SCN9A: variants seen among roughly 807,000 people sequenced by gnomAD.
The protein encoded by SCN9A is sodium voltage-gated channel alpha subunit 9, also known as sodium channel protein type 9 subunit alpha.
A neutral mutation model predicts 187.0 loss-of-function variants in SCN9A; 131 were observed. That is an observed-to-expected ratio of 0.70 (90% CI 0.61 to 0.81). SCN9A has a LOEUF of 0.81. SCN9A is among the 30% of genes least tolerant of loss of function. The pLI is 0.00. For synonymous variants in SCN9A, 809 were observed against 808.6 expected (o/e 1.00, Z -0.01); for missense variants, 2,252 against 2,396.6 (o/e 0.94, Z 1.26).
intron 24 of SCN9A, among the ~76,000 whole-genome samples, chr2:166,208,376 G>A (rs990046149): frequency 1.3e-5 from 2 of 152,154 alleles, no homozygotes; most frequent in African/African-American, 4.8e-5. Context: ...TTGAGGTAAT[G>A]CATGAAGAAT....
chr2:166,322,631 C>T (rs1699272262), intron 1 of SCN9A, among the ~76,000 whole-genome samples: 2 of 152,018 alleles, frequency 1.3e-5, no homozygotes, highest in Admixed American at 1.3e-4. Context: ...ATTTTAATTC[C>T]TTGCTTTGGA....
At chr2:166,205,168 G>A (rs1345889795) in intron 24 of SCN9A, 1 of 152,032 alleles carries the variant, frequency 6.6e-6, no homozygotes, top group Admixed American at 6.6e-5. Context: ...CTACTTTAAA[G>A]TTCATATGGA....
chr2:166,361,556 G>A (rs1418932165), intron 1 of SCN9A, among the ~76,000 whole-genome samples: 1 of 151,898 alleles, frequency 6.6e-6, no homozygotes, highest in African/African-American at 2.4e-5. Flanking sequence ...AAATCCATCA[G>A]GTTTGATAAA....
In SCN9A at chr2:166,342,001, G is replaced by A. The variant is rs111458233; in HGVS notation, c.-50-30195C>T. Among the ~76,000 whole-genome samples the A allele has an allele frequency of 2.2e-3, 342 of 152,222 alleles. 4 individuals carry two copies. Among genetic ancestry groups the A allele is most frequent in the Non-Finnish European group, 4.2e-3 (287 of 68,002 alleles). On this transcript the variant is annotated intron_variant, in intron 1 of 26. Transcript: ENST00000642356. ...ATAATGTCAATACATAGGGAGGGTT[G>A]CAGACTTGTGTTTCTGCATGTGTGG...
At chr2:166,290,078 C>A (rs1484852210) in intron 9 of SCN9A, among the ~76,000 whole-genome samples, 1 of 152,022 alleles carries the variant, frequency 6.6e-6, no homozygotes, top group Non-Finnish European at 1.5e-5. Context: ...CCTCCCACCC[C>A]CCAACAGGCC....
intron 1 of SCN9A, among the ~76,000 whole-genome samples, chr2:166,373,343 C>G (rs1359246218): frequency 7.0e-6 from 1 of 143,582 alleles, no homozygotes; most frequent in Non-Finnish European, 1.5e-5. Context: ...CAGTTGTGAG[C>G]CAATGTTTGT....
chr2:166,242,678 T>C (rs200512761), intron 18 of SCN9A, 22 bp from the exon 19 acceptor site: 17 of 1,524,712 alleles, frequency 1.1e-5, no homozygotes, highest in Non-Finnish European at 1.4e-5. Context: ...GACATGCATG[T>C]TAAATCTTGA....
At chr2:166,274,430 A>T (rs539147055) in intron 16 of SCN9A, among the ~76,000 whole-genome samples, 1 of 152,262 alleles carries the variant, frequency 6.6e-6, no homozygotes, top group African/African-American at 2.4e-5. Context: ...TTATTTTTCC[A>T]AATGTTTTCC....
chr2:166,305,300 T>C (rs546211175), intron 5 of SCN9A, among the ~76,000 whole-genome samples: 1 of 152,228 alleles, frequency 6.6e-6, no homozygotes, highest in South Asian at 2.1e-4. Context: ...ACTGAGTGTA[T>C]ATATAATGTG....
At chr2:166,311,437 A>C in intron 2 of SCN9A, 62 bp downstream of exon 2, 2 of 1,332,630 alleles carry the variant, frequency 1.5e-6, no homozygotes, top group Non-Finnish European at 1.9e-6. Flanking sequence ...TCTCAATTTA[A>C]AATAATTTTT....
chr2:166,340,340 T>C (rs1211370297), intron 1 of SCN9A, among the ~76,000 whole-genome samples: 1 of 152,206 alleles, frequency 6.6e-6, no homozygotes, highest in Non-Finnish European at 1.5e-5. Context: ...TGTTTCCACA[T>C]TGATTGCAAA....
At chr2:166,203,915 T>G (rs1205938016) in intron 26 of SCN9A, 40 bp downstream of exon 26, 3 of 1,289,688 alleles carry the variant, frequency 2.3e-6, no homozygotes, top group Non-Finnish European at 3.2e-6. Context: ...GAAGTTTAGC[T>G]TTACTCAAAA....
Position 166,199,436 on chromosome 2 carries a change from C to G in SCN9A, c.5203G>C (p.Val1735Leu). The change falls in exon 27 of 27, where the codon GTT becomes CTT. Residue 1735 changes from valine (V) to leucine (L), a missense_variant. Coordinates refer to ENST00000642356, the MANE Select transcript of SCN9A (RefSeq NM_001365536.1). ...TAACTAACAAAGTAGAATATTCCAA[C>G]AGATGGGTTACCACAGTCTCCTTCA... ...SVEGDCGNPS[V>L]GIFYFVSYII... The G allele has an allele frequency of 6.2e-7, 1 of 1,614,186 alleles. No homozygotes were observed.
chr2:166,350,192 T>C (rs1700001932), intron 1 of SCN9A, among the ~76,000 whole-genome samples: 1 of 152,200 alleles, frequency 6.6e-6, no homozygotes, highest in Non-Finnish European at 1.5e-5. Flanking sequence ...AATTCTATGA[T>C]TCTATTATTC....
intron 1 of SCN9A, among the ~76,000 whole-genome samples, chr2:166,313,297 CA>C (rs1699025625): frequency 6.6e-6 from 1 of 152,166 alleles, no homozygotes; most frequent in Non-Finnish European, 1.5e-5. Flanking sequence ...TGAAGCCAGA[CA>C]TTGACTTCTC....
intron 12 of SCN9A, among the ~76,000 whole-genome samples, chr2:166,282,297 G>T (rs1023879207): frequency 6.6e-6 from 1 of 152,118 alleles, no homozygotes; most frequent in African/African-American, 2.4e-5. Context: ...TCCTGTAATG[G>T]TTGTCTCTTA....
intron 2 of SCN9A, among the ~76,000 whole-genome samples, chr2:166,308,026 T>C (rs2106529241): frequency 6.6e-6 from 1 of 152,330 alleles, no homozygotes; most frequent in Admixed American, 6.5e-5. Flanking sequence ...TCAGGCTTTT[T>C]ATTTGTATGC....
At chr2:166,224,687 T>G (rs1364792527) in intron 24 of SCN9A, among the ~76,000 whole-genome samples, 3 of 152,150 alleles carry the variant, frequency 2.0e-5, no homozygotes, top group Admixed American at 2.0e-4. Context: ...AGGACTAATT[T>G]GGAGACTTAG....
intron 24 of SCN9A, chr2:166,205,171 C>T (rs998508508): frequency 2.4e-4 from 36 of 152,208 alleles, no homozygotes; most frequent in African/African-American, 8.7e-4. Flanking sequence ...CTTTAAAGTT[C>T]ATATGGAACC....
Sources: allele counts gnomAD v4.1 joint callset (sites outside exome capture counted in the v4.1 genomes callset), GRCh38; gene constraint gnomAD v4.1.1; transcripts MANE v1.5; gene names NCBI Gene and HGNC (gene_info 2026-07-23, HGNC 2026-07-21).